The following PC variants were observed in gnomAD, a reference collection of about 807,000 sequenced individuals.
The protein encoded by PC is pyruvate carboxylase, mitochondrial.
A neutral mutation model predicts 107.8 loss-of-function variants in PC; 46 were observed. That is an observed-to-expected ratio of 0.43 (90% CI 0.34 to 0.55). The LOEUF is 0.55. Among genes scored for constraint, PC ranks in the 20% least tolerant of loss-of-function variants. PC has a pLI of 0.04. For synonymous variants in PC, 662 were observed against 684.7 expected, an observed-to-expected ratio of 0.97 and a Z score of 0.52; for missense variants, 1,241 against 1,643.1, an observed-to-expected ratio of 0.76 and a Z score of 4.23.
chr11:66,913,499 A>G (rs1948390952), intron 3 of PC, among the ~76,000 whole-genome samples: 1 of 151,424 alleles, frequency 6.6e-6, no homozygotes, highest in Non-Finnish European at 1.5e-5. Flanking sequence ...CCTGACCAAC[A>G]TCTCTACTAA....
chr11:66,946,092 CAAAAAAAA>C (rs757767116), intron 3 of PC, among the ~76,000 whole-genome samples: 2 of 66,076 alleles, frequency 3.0e-5, no homozygotes, highest in Non-Finnish European at 6.4e-5. Context: ...GACTCCGTCT[CAAAAAAAA>C]AAAAAAAAAA....
chr11:66,899,789 T>C (rs902314832), intron 3 of PC, among the ~76,000 whole-genome samples: 2 of 152,396 alleles, frequency 1.3e-5, no homozygotes, highest in East Asian at 1.9e-4. Flanking sequence ...TTTTCTTTTA[T>C]TGCTTGTGCT....
chr11:66,868,513 C>T (rs1946592695), intron 10 of PC, among the ~76,000 whole-genome samples: 1 of 152,208 alleles, frequency 6.6e-6, no homozygotes, highest in Non-Finnish European at 1.5e-5. Flanking sequence ...CCAGCGCCAG[C>T]TGTGTGACCC....
At chr11:66,876,396 A>G (rs1946978947) in intron 3 of PC, among the ~76,000 whole-genome samples, 1 of 152,216 alleles carries the variant, frequency 6.6e-6, no homozygotes. Flanking sequence ...GGGTACGAGA[A>G]TTCTTTGTCT....
At chr11:66,876,484 G>A (rs567866101) in intron 3 of PC, among the ~76,000 whole-genome samples, 3 of 152,348 alleles carry the variant, frequency 2.0e-5, no homozygotes, top group East Asian at 1.9e-4. Flanking sequence ...CGCTAATGCC[G>A]CTGGAGGAGA....
In PC at chr11:66,952,472, A is replaced by C. The variant is rs1949462016; in HGVS notation, c.-39-4T>G. The C allele has an allele frequency of 6.6e-6, 1 of 152,162 alleles. No homozygotes were observed. The highest frequency in any genetic ancestry group is 1.5e-5 in the Non-Finnish European group (1 of 68,068). 9.4% of individuals were successfully genotyped at this position (152,162 alleles called of 1,614,324 possible). ...CTCTCCAGAAGGCAGACACTATCTA[A>C]AGCAAAAGAAAAAACAGCATTACCC... On this transcript the variant is annotated splice_region_variant and splice_polypyrimidine_tract_variant and intron_variant, in intron 2 of 22. Transcript: ENST00000393960.
At chr11:66,927,985 A>T (rs1393150121) in intron 3 of PC, among the ~76,000 whole-genome samples, 1 of 152,120 alleles carries the variant, frequency 6.6e-6, no homozygotes, top group African/African-American at 2.4e-5. Flanking sequence ...AACACTATAC[A>T]TCTGCTTGTT....
intron 3 of PC, among the ~76,000 whole-genome samples, chr11:66,913,954 G>A (rs1386076279): frequency 6.6e-6 from 1 of 152,128 alleles, no homozygotes; most frequent in Non-Finnish European, 1.5e-5. Flanking sequence ...TACTGACCCT[G>A]AGGACACACA....
chr11:66,928,129 T>C (rs1324491987), intron 3 of PC, among the ~76,000 whole-genome samples: 1 of 152,148 alleles, frequency 6.6e-6, no homozygotes, highest in Non-Finnish European at 1.5e-5. Flanking sequence ...GTCTCACACC[T>C]GTAATCCAGC....
chr11:66,949,054 A>G (rs950905812), intron 3 of PC, among the ~76,000 whole-genome samples: 1 of 151,354 alleles, frequency 6.6e-6, no homozygotes, highest in African/African-American at 2.4e-5. Flanking sequence ...GTGCAGTGGC[A>G]TAATCTCAGC....
chr11:66,850,945 G>A, intron 17 of PC, 22 bp from the exon 18 acceptor site: 3 of 1,607,414 alleles, frequency 1.9e-6, no homozygotes, highest in Middle Eastern at 1.7e-4. Context: ...GGGAGAGAGA[G>A]AGAGAGAGAT....
chr11:66,896,609 T>G (rs971460401), intron 3 of PC, among the ~76,000 whole-genome samples: 1 of 152,176 alleles, frequency 6.6e-6, no homozygotes, highest in African/African-American at 2.4e-5. Flanking sequence ...CGCCGCTGGC[T>G]CCCTTCAAGG....
At chr11:66,934,230 T>C (rs993066935) in intron 3 of PC, among the ~76,000 whole-genome samples, 2 of 152,166 alleles carry the variant, frequency 1.3e-5, no homozygotes, top group African/African-American at 4.8e-5. Flanking sequence ...TCACATATTC[T>C]ACCCTCAAGG....
rs1031875274 is a variant in PC at position 66,945,291 on chromosome 11, C to T, written c.-1+7139G>A. On this transcript the variant is annotated intron_variant, in intron 3 of 22. Transcript: ENST00000393960. ...TTACTAGTCCTTGGTCAGAGAAAGC[C>T]TTGGGAGATACAGAGAATCTAAAGA... Among the ~76,000 whole-genome samples the T allele has an allele frequency of 1.7e-5, 2 of 116,042 alleles. 1 individual carries two copies. Among genetic ancestry groups the T allele is most frequent in the Admixed American group, 1.6e-4 (2 of 12,200 alleles). The allele number at this position is 116,042 out of a possible 152,430, so 76.1% of individuals were successfully genotyped here.
At chr11:66,932,755 GAC>G (rs1192406099) in intron 3 of PC, among the ~76,000 whole-genome samples, 1 of 152,136 alleles carries the variant, frequency 6.6e-6, no homozygotes, top group Non-Finnish European at 1.5e-5. Flanking sequence ...TACAGGACCA[GAC>G]ACAGATCTTT....
chr11:66,931,041 T>C (rs951835884), intron 3 of PC, among the ~76,000 whole-genome samples: 1 of 151,850 alleles, frequency 6.6e-6, no homozygotes, highest in Admixed American at 6.6e-5. Context: ...TGGCTATCGG[T>C]GGGAAAACTA....
In PC at chr11:66,861,863, C is replaced by G. The variant is rs574594578; in HGVS notation, c.1368+1911G>C. Among the ~76,000 whole-genome samples the G allele has an allele frequency of 9.9e-5, 15 of 152,280 alleles. No individual in the cohort carries two copies. In the South Asian group the frequency reaches 2.1e-3, roughly 21 times the overall value. On this transcript the variant is annotated intron_variant, in intron 12 of 22. Transcript: ENST00000393960. ...CTCCACCTGGGGGGCGGGGGACGGT[C>G]TAAAGAGGAAGATCTTTCCGGGCCC... is the stretch of plus-strand genomic sequence containing the variant.
intron 3 of PC, among the ~76,000 whole-genome samples, chr11:66,933,558 A>G (rs1244888195): frequency 6.6e-6 from 1 of 152,114 alleles, no homozygotes; most frequent in East Asian, 1.9e-4. Context: ...AGCTAAATAA[A>G]TGGGGTGGCT....
intron 3 of PC, among the ~76,000 whole-genome samples, chr11:66,947,990 T>C (rs1314833497): frequency 2.8e-5 from 4 of 142,092 alleles, no homozygotes; most frequent in African/African-American, 1.0e-4. Context: ...CTAAGCAACA[T>C]ACCGAGATCT....
Sources: gnomAD v4.1 joint callset for allele counts (sites outside exome capture counted in the v4.1 genomes callset) on GRCh38, gnomAD v4.1.1 for gene constraint, MANE v1.5 for transcripts, NCBI Gene and HGNC (gene_info 2026-07-23, HGNC 2026-07-21) for gene names.